The following CERS6 variants were observed in gnomAD, a reference collection of about 807,000 sequenced individuals.
CERS6 encodes ceramide synthase 6, also known as LAG1 homolog, ceramide synthase 6.
In CERS6, 26 loss-of-function variants were observed where a neutral mutation model predicts 56.8. The ratio of observed to expected loss-of-function variants is 0.46; its 90% CI spans 0.34 to 0.63. The LOEUF (loss-of-function observed/expected upper bound fraction) is 0.63, where lower values mean the gene tolerates loss of function less well. Ranked by LOEUF, CERS6 falls within the 30% of genes least tolerant of loss-of-function variation. The pLI is 0.01. For missense variants in CERS6, 415 were observed against 467.5 expected (o/e 0.89, Z 1.04); for synonymous variants, 164 against 173.3 (o/e 0.95, Z 0.42).
chr2:168,654,929 C>A (rs1480113401), intron 4 of CERS6, among the ~76,000 whole-genome samples: 1 of 152,136 alleles, frequency 6.6e-6, no homozygotes, highest in African/African-American at 2.4e-5. Flanking sequence ...TCATGTACAA[C>A]CAGGACTTTA....
Position 168,456,662 on chromosome 2 carries a change from A to T in CERS6, c.170+44A>T, listed in dbSNP as rs748481727. 2.6e-6 allele frequency: 4 copies of T among 1,568,026 alleles called. No individual in the cohort carries two copies. The highest frequency in any genetic ancestry group is 3.5e-5 in the Admixed American group (2 of 57,162). ...CCTCCTCCCCTCCCCCTGCGCACAC[A>T]CACGCGCGCACACACTCGCGCGCTC... On this transcript the variant is annotated intron_variant, in intron 1 of 9. Transcript: ENST00000305747. This position sits in a 1 kb window ranked among gnomAD's most constrained non-coding sequence, Gnocchi z 4.1.
chr2:168,767,362 A>G (rs1684753168), intron 9 of CERS6, among the ~76,000 whole-genome samples: 1 of 152,252 alleles, frequency 6.6e-6, no homozygotes, highest in South Asian at 2.1e-4. Context: ...TGCAATTTAA[A>G]AAATCTGACT....
chr2:168,491,540 A>G (rs564185382), intron 1 of CERS6, among the ~76,000 whole-genome samples: 42 of 152,302 alleles, frequency 2.8e-4, no homozygotes, highest in Non-Finnish European at 5.7e-4. Context: ...ACTTTAAACA[A>G]TAGGAAAGTA....
rs748641918 is a variant in CERS6 at position 168,458,912 on chromosome 2, A to G, written c.170+2294A>G. 1.2e-4 allele frequency among the ~76,000 whole-genome samples: 19 copies of G among 152,308 alleles called. No individual in the cohort carries two copies. In the East Asian group the frequency reaches 2.7e-3, roughly 22 times the overall value. On this transcript the variant is annotated intron_variant, in intron 1 of 9. Transcript: ENST00000305747. Reference sequence around the variant, plus strand: ...CCTAAATGACATATTCTGGGATCCAACCTGTGACCTTCATCTCAGTAGCAT... The same window carrying G: ...CCTAAATGACATATTCTGGGATCCAGCCTGTGACCTTCATCTCAGTAGCAT...
At chr2:168,608,541 A>G (rs1416459238) in intron 3 of CERS6, among the ~76,000 whole-genome samples, 1 of 152,222 alleles carries the variant, frequency 6.6e-6, no homozygotes, top group African/African-American at 2.4e-5. Flanking sequence ...ATCCTCAAAA[A>G]CATTGCTATT....
chr2:168,543,434 C>G (rs1184636544), intron 1 of CERS6, among the ~76,000 whole-genome samples: 1 of 151,860 alleles, frequency 6.6e-6, no homozygotes, highest in Non-Finnish European at 1.5e-5. Flanking sequence ...TGAAAGACAG[C>G]CTTTGTGAAC....
At chr2:168,570,561 C>T (rs1456152461) in intron 3 of CERS6, among the ~76,000 whole-genome samples, 2 of 152,130 alleles carry the variant, frequency 1.3e-5, no homozygotes, top group Non-Finnish European at 2.9e-5. Context: ...CTGCTGGGGC[C>T]TGAACAGTCT....
chr2:168,685,455 G>A (rs538949228), intron 4 of CERS6, among the ~76,000 whole-genome samples: 1 of 152,126 alleles, frequency 6.6e-6, no homozygotes, highest in African/African-American at 2.4e-5. Context: ...CTTCAAAATC[G>A]CTATCTCTTT....
At chr2:168,483,398 A>G (rs1694213040) in intron 1 of CERS6, among the ~76,000 whole-genome samples, 1 of 152,084 alleles carries the variant, frequency 6.6e-6, no homozygotes, top group South Asian at 2.1e-4. Flanking sequence ...GTTACTCAAA[A>G]TTCCGAGTTT....
intron 6 of CERS6, among the ~76,000 whole-genome samples, chr2:168,708,670 T>G (rs1687016624): frequency 6.6e-6 from 1 of 152,134 alleles, no homozygotes; most frequent in African/African-American, 2.4e-5. Flanking sequence ...CTAATATGCG[T>G]CATTTGCATC....
At chr2:168,637,812 C>G (rs1004759123) in intron 4 of CERS6, among the ~76,000 whole-genome samples, 2 of 151,908 alleles carry the variant, frequency 1.3e-5, no homozygotes, top group African/African-American at 4.8e-5. Flanking sequence ...TAAATCACAG[C>G]AGTAGGTAAA....
intron 1 of CERS6, among the ~76,000 whole-genome samples, chr2:168,529,391 T>C (rs1021566579): frequency 2.0e-5 from 3 of 152,174 alleles, no homozygotes; most frequent in Non-Finnish European, 4.4e-5. Context: ...AGTCATTCTG[T>C]TATCAGTAAT....
chr2:168,500,228 G>A (rs1260637795), intron 1 of CERS6, among the ~76,000 whole-genome samples: 1 of 152,176 alleles, frequency 6.6e-6, no homozygotes, highest in African/African-American at 2.4e-5. Context: ...TACATTATTT[G>A]CTTGATCTAG....
intron 8 of CERS6, among the ~76,000 whole-genome samples, chr2:168,723,978 G>A (rs973691011): frequency 2.0e-5 from 3 of 152,190 alleles, no homozygotes; most frequent in Admixed American, 1.3e-4. Flanking sequence ...GGTCTCTCAG[G>A]ATTTATCTGG....
chr2:168,766,348 A>G (rs1208671022), intron 9 of CERS6: 2 of 1,597,714 alleles, frequency 1.3e-6, no homozygotes, highest in Non-Finnish European at 1.7e-6. Context: ...CTTTACATGT[A>G]AGTTTCTCCT....
chr2:168,545,473 A>T (rs750732454), intron 1 of CERS6, among the ~76,000 whole-genome samples: 1 of 152,076 alleles, frequency 6.6e-6, no homozygotes, highest in Non-Finnish European at 1.5e-5. Context: ...AGATGTATAC[A>T]TTATGTTGTA....
intron 4 of CERS6, among the ~76,000 whole-genome samples, chr2:168,671,440 TA>T (rs984774705): frequency 6.6e-6 from 1 of 152,222 alleles, no homozygotes; most frequent in Non-Finnish European, 1.5e-5. Context: ...TGGAGCTTGT[TA>T]TAGATGCCAA....
chr2:168,634,567 C>A (rs1684820999), intron 4 of CERS6, among the ~76,000 whole-genome samples: 1 of 152,096 alleles, frequency 6.6e-6, no homozygotes, highest in South Asian at 2.1e-4. Context: ...CCTGTGCCAC[C>A]ATGACAGGCT....
At chr2:168,672,654 A>AGG (rs1418936880) in intron 4 of CERS6, among the ~76,000 whole-genome samples, 3 of 152,334 alleles carry the variant, frequency 2.0e-5, no homozygotes, top group South Asian at 2.1e-4. Context: ...TAGTTTCATT[A>AGG]ATCACCAAGG....
Sources: gnomAD v4.1 joint callset for allele counts (sites outside exome capture counted in the v4.1 genomes callset) on GRCh38, gnomAD v4.1.1 for gene constraint, Gnocchi (gnomAD v3.1) non-coding constraint, MANE v1.5 for transcripts, NCBI Gene and HGNC (gene_info 2026-07-23, HGNC 2026-07-21) for gene names.